Variants in PRDM2 observed in about 807,000 individuals in gnomAD.
The protein encoded by PRDM2 is PR/SET domain 2, also known as PR domain zinc finger protein 2.
PRDM2 carries 30 observed loss-of-function variants against 130.0 expected under a neutral mutation model. The observed-to-expected ratio is 0.23, with a 90% confidence interval of 0.17 to 0.31. The LOEUF (loss-of-function observed/expected upper bound fraction) is 0.31, where lower values mean the gene tolerates loss of function less well. PRDM2 is among the 10% of genes least tolerant of loss of function. The pLI, the probability that PRDM2 is intolerant of heterozygous loss-of-function variation, is 1.00. For missense variants in PRDM2, 2,011 were observed against 2,108.4 expected (o/e 0.95, Z 0.90); for synonymous variants, 871 against 782.4 (o/e 1.11, Z -1.89).
chr1:13,785,934 G>A (rs995540921), intron 8 of PRDM2, among the ~76,000 whole-genome samples: 3 of 150,762 alleles, frequency 2.0e-5, no homozygotes, highest in Non-Finnish European at 1.5e-5. Context: ...TGCCTCCCGG[G>A]TTCACGCCAT....
chr1:13,737,129 C>T (rs1186858644), intron 4 of PRDM2, among the ~76,000 whole-genome samples: 2 of 152,168 alleles, frequency 1.3e-5, no homozygotes, highest in Non-Finnish European at 2.9e-5. Flanking sequence ...TTCTGCAGAA[C>T]CTTTTCTCAG....
intron 2 of PRDM2, among the ~76,000 whole-genome samples, chr1:13,716,255 T>A (rs996140876): frequency 2.1e-5 from 3 of 140,916 alleles, no homozygotes; most frequent in Non-Finnish European, 4.5e-5. Context: ...AACAATGAGA[T>A]CACATGGACA....
chr1:13,714,760 T>A (rs575498215), intron 1 of PRDM2, among the ~76,000 whole-genome samples: 1 of 152,318 alleles, frequency 6.6e-6, no homozygotes, highest in African/African-American at 2.4e-5. Flanking sequence ...CCTAATGGTA[T>A]GTGTATGTAA....
intron 4 of PRDM2, among the ~76,000 whole-genome samples, chr1:13,738,211 CT>C (rs1239024801): frequency 5.9e-5 from 9 of 152,174 alleles, no homozygotes; most frequent in African/African-American, 1.9e-4. Flanking sequence ...ATTCAGTCTT[CT>C]TCCTGTTAGC....
rs1042355371 is a variant in PRDM2 at position 13,781,649 on chromosome 1, C to T, written c.3854C>T (p.Pro1285Leu). Residue 1285 changes from proline to leucine, a missense_variant, in exon 8 of 10, where the codon CCA (proline) becomes CTA (leucine). By Grantham distance (98) the Pro-to-Leu change is moderately conservative. This residue lies in a region of PRDM2 where 229 missense variants were observed against 364.1 expected (regional missense o/e 0.63). Coordinates refer to ENST00000311066, the MANE Select transcript of PRDM2 (RefSeq NM_001393986.1). The surrounding 1 kb of genome is among the most constrained non-coding windows in gnomAD (Gnocchi z 6.1). ...GCTTCTGGAATAAAGACAAAAGATCCAGATGTTCGATTGGGCCTCAATCAG... is the reference window on the plus strand; with the variant it reads ...GCTTCTGGAATAAAGACAAAAGATCTAGATGTTCGATTGGGCCTCAATCAG... ...IMASGIKTKD[P>L]DVRLGLNQHY... 6.2e-7 allele frequency: 1 copy of T among 1,613,924 alleles called. No homozygotes were observed. The highest frequency in any genetic ancestry group is 1.7e-5 in the Admixed American group (1 of 60,000).
chr1:13,798,238 C>T (rs529639958), intron 8 of PRDM2, among the ~76,000 whole-genome samples: 48 of 152,262 alleles, frequency 3.2e-4, no homozygotes, highest in African/African-American at 1.1e-3. Context: ...GCTACCGCTC[C>T]GCCTCAGTGA....
At chr1:13,769,100 T>C (rs749953755) in intron 6 of PRDM2, 8 of 979,864 alleles carry the variant, frequency 8.2e-6, no homozygotes, top group Non-Finnish European at 9.7e-6. Flanking sequence ...TTGTGTTTCA[T>C]TCCTCTTTCT....
chr1:13,764,695 C>T (rs895932171), intron 6 of PRDM2, among the ~76,000 whole-genome samples: 10 of 152,206 alleles, frequency 6.6e-5, no homozygotes, highest in Non-Finnish European at 1.2e-4. Context: ...TGTGCAACAG[C>T]CCCCCTGGTG....
chr1:13,719,693 G>A (rs1189440344), intron 2 of PRDM2, among the ~76,000 whole-genome samples: 2 of 152,144 alleles, frequency 1.3e-5, no homozygotes, highest in Non-Finnish European at 2.9e-5. Flanking sequence ...GCATTTCTTG[G>A]TTTGTGTTTT....
chr1:13,818,453 A>C (rs1570134662), intron 9 of PRDM2, among the ~76,000 whole-genome samples: 2 of 141,170 alleles, frequency 1.4e-5, no homozygotes, highest in East Asian at 2.1e-4. Flanking sequence ...ATCTTGACTC[A>C]CTGCATCCTC....
chr1:13,773,423 A>G, intron 7 of PRDM2: 1 of 288,944 alleles, frequency 3.5e-6, no homozygotes, highest in East Asian at 5.9e-5. Context: ...TTGTTAAAAT[A>G]AAATGAGACC....
intron 4 of PRDM2, 140 bp downstream of exon 4, chr1:13,733,022 A>G (rs1272977906): frequency 3.0e-6 from 2 of 666,986 alleles, no homozygotes; most frequent in Non-Finnish European, 4.9e-6. Context: ...TAAAGAGAAA[A>G]TGTGTTTCCC....
chr1:13,714,594 A>G (rs978785686), intron 1 of PRDM2, among the ~76,000 whole-genome samples: 2 of 152,360 alleles, frequency 1.3e-5, no homozygotes, highest in African/African-American at 4.8e-5. Context: ...TAAAATGTCA[A>G]AACAGTGGGT....
At chr1:13,804,461 G>A (rs1244640100) in intron 8 of PRDM2, among the ~76,000 whole-genome samples, 3 of 138,712 alleles carry the variant, frequency 2.2e-5, no homozygotes, top group East Asian at 4.0e-4. Context: ...TTGAGACGCC[G>A]CTAAAGGTGT....
chr1:13,803,479 T>C lies in PRDM2; in HGVS notation c.5037-12948T>C, dbSNP rs140849303. On this transcript the variant is annotated intron_variant, in intron 8 of 9. Transcript: ENST00000311066. This position sits in a 1 kb window ranked among gnomAD's most constrained non-coding sequence, Gnocchi z 6.2. Reference sequence around the variant, plus strand: ...TGCCCTCAGCGAGTCCTCGGGGGCTTCAACTACCCTTCTTCCCATCATCAA... The same window carrying C: ...TGCCCTCAGCGAGTCCTCGGGGGCTCCAACTACCCTTCTTCCCATCATCAA... Among the ~76,000 whole-genome samples, 5 of 152,230 alleles carry C rather than the reference T, an allele frequency of 3.3e-5. No individual in the cohort carries two copies. The highest frequency in any genetic ancestry group is 1.2e-4 in the African/African-American group (5 of 41,522).
chr1:13,787,007 TAGAC>T, intron 8 of PRDM2: 3 of 986,224 alleles, frequency 3.0e-6, no homozygotes, highest in Non-Finnish European at 3.6e-6. Context: ...AAATTAATTA[TAGAC>T]AGAGAGAGGC....
intron 2 of PRDM2, among the ~76,000 whole-genome samples, chr1:13,730,052 G>A (rs911050957): frequency 6.6e-6 from 1 of 152,174 alleles, no homozygotes; most frequent in Admixed American, 6.5e-5. Context: ...TTTTGCCTGT[G>A]TTGGTTCATT....
At chr1:13,722,132 T>C (rs1642749116) in intron 2 of PRDM2, among the ~76,000 whole-genome samples, 1 of 152,182 alleles carries the variant, frequency 6.6e-6, no homozygotes, top group Admixed American at 6.5e-5. Flanking sequence ...CTCTGGGCTA[T>C]TACAGAAAGC....
intron 6 of PRDM2, among the ~76,000 whole-genome samples, chr1:13,757,511 G>A (rs769783881): frequency 2.6e-5 from 4 of 152,210 alleles, no homozygotes; most frequent in African/African-American, 7.2e-5. Flanking sequence ...CACTGGTCTT[G>A]TGTTGAGACT....
Sources: allele counts gnomAD v4.1 joint callset (sites outside exome capture counted in the v4.1 genomes callset), GRCh38; gene constraint gnomAD v4.1.1; regional missense constraint gnomAD v4.1.1; non-coding constraint Gnocchi (gnomAD v3.1); transcripts MANE v1.5; gene names NCBI Gene and HGNC (gene_info 2026-07-23, HGNC 2026-07-21).